Variants in CSMD1 observed in about 807,000 individuals in gnomAD.
CSMD1 encodes the protein CUB and Sushi multiple domains 1.
CSMD1 carries 213 observed loss-of-function variants against 417.5 expected under a neutral mutation model. The ratio of observed to expected loss-of-function variants is 0.51; its 90% CI spans 0.46 to 0.57. CSMD1 has a LOEUF of 0.57. Among genes scored for constraint, CSMD1 ranks in the 20% least tolerant of loss-of-function variants. The probability of loss-of-function intolerance (pLI) is 0.00; values close to 1 mark genes in which losing one functional copy is unlikely to be tolerated. For synonymous variants in CSMD1, 2,862 were observed against 1,736.8 expected (o/e 1.65, Z -16.11); for missense variants, 6,923 against 4,529.7 (o/e 1.53, Z -15.17).
intron 10 of CSMD1, among the ~76,000 whole-genome samples, chr8:3,516,799 T>C (rs1169055507): frequency 6.6e-6 from 1 of 152,128 alleles, no homozygotes. Context: ...GAACTACCAT[T>C]TGGCCCAACA....
intron 1 of CSMD1, among the ~76,000 whole-genome samples, chr8:4,737,577 A>T (rs2116987008): frequency 6.6e-6 from 1 of 152,322 alleles, no homozygotes; most frequent in South Asian, 2.1e-4. Context: ...TTGCCAGCAA[A>T]GACTCACCTT....
intron 4 of CSMD1, among the ~76,000 whole-genome samples, chr8:4,019,914 TAAAAA>T (rs144493389): frequency 1.4e-5 from 2 of 144,240 alleles, no homozygotes; most frequent in African/African-American, 2.6e-5. Flanking sequence ...AGTAATTCAT[TAAAAA>T]AAAAAAAAAA....
intron 1 of CSMD1, among the ~76,000 whole-genome samples, chr8:4,854,625 C>T (rs1801685006): frequency 6.6e-6 from 1 of 152,070 alleles, no homozygotes. Context: ...CAGGGAGTTC[C>T]CTTTCTGAGT....
intron 16 of CSMD1, among the ~76,000 whole-genome samples, chr8:3,397,661 G>C (rs556200771): frequency 6.6e-6 from 1 of 152,132 alleles, no homozygotes; most frequent in East Asian, 1.9e-4. Context: ...AAGAAGTCTG[G>C]CTAAGCGTGA....
chr8:4,781,804 C>G (rs1187650284), intron 1 of CSMD1, among the ~76,000 whole-genome samples: 1 of 152,168 alleles, frequency 6.6e-6, no homozygotes, highest in Non-Finnish European at 1.5e-5. Flanking sequence ...CAGCTTCTCA[C>G]CTAGGCCAGT....
chr8:4,586,828 G>A lies in CSMD1; in HGVS notation c.302+50514C>T, dbSNP rs191047935. Among the ~76,000 whole-genome samples the A allele has an allele frequency of 3.8e-4, 58 of 152,294 alleles. 1 individual carries two copies. The highest frequency in any genetic ancestry group is 2.9e-5 in the Non-Finnish European group (2 of 68,026). ...AGCTGTTCTGCACACAGGTCTGCAC[G>A]CACAGTAGGATCATGGCAGGTGTTC... On this transcript the variant is annotated intron_variant, in intron 2 of 69. Coordinates refer to ENST00000635120, the MANE Select transcript of CSMD1 (RefSeq NM_033225.6).
intron 5 of CSMD1, among the ~76,000 whole-genome samples, chr8:3,917,217 C>A (rs535396734): frequency 4.9e-4 from 75 of 152,146 alleles, no homozygotes; most frequent in Non-Finnish European, 9.4e-4. Flanking sequence ...TTCCCATGAG[C>A]CATTTCCTGT....
Position 2,938,431 on chromosome 8 carries a change from G to T in CSMD1, c.*154C>A. ...CCGTAGAAGACCCTGACACATTTGA[G>T]TAGAGATCCCCGCTGCACTTATGCC... is the stretch of plus-strand genomic sequence containing the variant. On this transcript the variant is annotated 3_prime_UTR_variant, in exon 70 of 70. Transcript: ENST00000635120. The T allele has an allele frequency of 1.4e-6, 1 of 689,784 alleles. No individual in the cohort carries two copies. Among genetic ancestry groups the T allele is most frequent in the Non-Finnish European group, 2.4e-6 (1 of 421,600 alleles). The allele number at this position is 689,784 out of a possible 1,614,324, so 42.7% of individuals were successfully genotyped here.
chr8:3,145,195 G>A (rs1440885098), intron 40 of CSMD1, among the ~76,000 whole-genome samples: 6 of 152,072 alleles, frequency 3.9e-5, no homozygotes, highest in African/African-American at 9.7e-5. Flanking sequence ...AAGCTGACCC[G>A]AGAGTAACAA....
chr8:2,971,587 A>G (rs1246193877), intron 57 of CSMD1, among the ~76,000 whole-genome samples: 2 of 152,210 alleles, frequency 1.3e-5, no homozygotes, highest in Non-Finnish European at 2.9e-5. Flanking sequence ...TATTGGTGAT[A>G]ATGGTTTATC....
intron 10 of CSMD1, among the ~76,000 whole-genome samples, chr8:3,524,622 C>G (rs1052150682): frequency 6.6e-6 from 1 of 151,766 alleles, no homozygotes; most frequent in Non-Finnish European, 1.5e-5. Context: ...CACATACACA[C>G]ATGCACACCC....
chr8:3,020,870 C>T lies in CSMD1; in HGVS notation c.7856-2220G>A, dbSNP rs182644382. On this transcript the variant is annotated intron_variant, in intron 51 of 69. Coordinates refer to ENST00000635120, the MANE Select transcript of CSMD1 (RefSeq NM_033225.6). ...TTGCTAAACTATTACAGTGTCATAT[C>T]GTTTGCATTTAGTAATATGCTAATA... Among the ~76,000 whole-genome samples the T allele has an allele frequency of 3.6e-3, 551 of 152,290 alleles. 3 individuals are homozygous for T. The highest frequency in any genetic ancestry group is 0.012 in the African/African-American group (509 of 41,560).
intron 2 of CSMD1, among the ~76,000 whole-genome samples, chr8:4,580,387 T>C (rs1441272962): frequency 2.0e-5 from 3 of 152,210 alleles, no homozygotes; most frequent in Non-Finnish European, 4.4e-5. Flanking sequence ...CATCTTCCTT[T>C]GTTGTGTATC....
At chr8:4,703,198 T>G (rs1399059704) in intron 1 of CSMD1, among the ~76,000 whole-genome samples, 1 of 152,188 alleles carries the variant, frequency 6.6e-6, no homozygotes, top group African/African-American at 2.4e-5. Context: ...CAAAATTCAG[T>G]GGATGATGCT....
intron 1 of CSMD1, among the ~76,000 whole-genome samples, chr8:4,936,712 A>C (rs536154214): frequency 6.6e-6 from 1 of 152,344 alleles, no homozygotes; most frequent in African/African-American, 2.4e-5. Context: ...AATTCATTAA[A>C]CATCAATGTT....
At chr8:3,736,165 C>G (rs1036547202) in intron 6 of CSMD1, among the ~76,000 whole-genome samples, 2 of 152,174 alleles carry the variant, frequency 1.3e-5, no homozygotes, top group African/African-American at 4.8e-5. Context: ...CGCATCACAT[C>G]TGCGTCTAAT....
intron 1 of CSMD1, among the ~76,000 whole-genome samples, chr8:4,897,207 A>C (rs1804554225): frequency 6.6e-6 from 1 of 152,002 alleles, no homozygotes; most frequent in African/African-American, 2.4e-5. Flanking sequence ...GTAGAATAAA[A>C]CTCACAACAC....
chr8:3,487,938 T>A (rs867241209), intron 11 of CSMD1, among the ~76,000 whole-genome samples: 1 of 152,024 alleles, frequency 6.6e-6, no homozygotes, highest in South Asian at 2.1e-4. Flanking sequence ...CTTGTTTGCA[T>A]CCCATTAGAG....
At chr8:3,231,860 A>G (rs1798859029) in intron 26 of CSMD1, among the ~76,000 whole-genome samples, 1 of 152,178 alleles carries the variant, frequency 6.6e-6, no homozygotes, top group Non-Finnish European at 1.5e-5. Context: ...AATTAGACTA[A>G]TATCTAAGTC....
Sources: allele counts gnomAD v4.1 joint callset (sites outside exome capture counted in the v4.1 genomes callset), GRCh38; gene constraint gnomAD v4.1.1; transcripts MANE v1.5; gene names NCBI Gene and HGNC (gene_info 2026-07-23, HGNC 2026-07-21).